Variants in FAM13A observed in about 807,000 individuals in gnomAD.
FAM13A encodes the protein protein FAM13A.
In FAM13A, 76 loss-of-function variants were observed where a neutral mutation model predicts 129.6. The observed-to-expected ratio is 0.59, with a 90% CI of 0.49 to 0.71. FAM13A has a LOEUF of 0.71. Among genes scored for constraint, FAM13A ranks in the 30% least tolerant of loss-of-function variants. The pLI is 0.00. For missense variants in FAM13A, 1,108 were observed against 1,249.3 expected, an observed-to-expected ratio of 0.89 and a Z score of 1.70; for synonymous variants, 443 against 449.9, an observed-to-expected ratio of 0.98 and a Z score of 0.20.
intron 2 of FAM13A, among the ~76,000 whole-genome samples, chr4:89,022,697 A>G (rs1041668149): frequency 2.0e-5 from 3 of 152,190 alleles, no homozygotes; most frequent in African/African-American, 4.8e-5. Context: ...ATGTCATGTC[A>G]TATTTTAAGA....
intron 4 of FAM13A, among the ~76,000 whole-genome samples, chr4:88,945,988 GTGTATATATATATATATA>G (rs1359449703): frequency 0.03 from 414 of 13,666 alleles, 7 homozygotes; most frequent in South Asian, 0.083. Context: ...GTGTGTGTGT[GTGTATATATATATATATA>G]TATATATATA....
At chr4:88,885,018 A>T (rs1192057028) in intron 6 of FAM13A, among the ~76,000 whole-genome samples, 1 of 152,232 alleles carries the variant, frequency 6.6e-6, no homozygotes, top group Non-Finnish European at 1.5e-5. Flanking sequence ...AAACAAATGG[A>T]AACACATCCT....
At chr4:88,988,443 C>A (rs1762536344) in intron 4 of FAM13A, among the ~76,000 whole-genome samples, 2 of 152,136 alleles carry the variant, frequency 1.3e-5, no homozygotes, top group African/African-American at 4.8e-5. Context: ...AGCAAAAATT[C>A]CTCATTTTTA....
intron 3 of FAM13A, among the ~76,000 whole-genome samples, chr4:89,003,197 G>A (rs1764497175): frequency 6.6e-6 from 1 of 151,752 alleles, no homozygotes. Context: ...AAATAAAAAG[G>A]GCCCCAAAGA....
At chr4:88,943,758 C>T (rs112311993) in intron 4 of FAM13A, among the ~76,000 whole-genome samples, 1 of 152,148 alleles carries the variant, frequency 6.6e-6, no homozygotes, top group African/African-American at 2.4e-5. Flanking sequence ...AAACTACTAA[C>T]TAAGCTCAAA....
intron 6 of FAM13A, chr4:88,905,610 T>C (rs1748014911): frequency 6.6e-6 from 1 of 152,166 alleles, no homozygotes; most frequent in Non-Finnish European, 1.5e-5. Flanking sequence ...TTTGTGTTCA[T>C]AAGTTCTTGT....
At chr4:88,986,645 A>G (rs572019020) in intron 4 of FAM13A, among the ~76,000 whole-genome samples, 1 of 152,308 alleles carries the variant, frequency 6.6e-6, no homozygotes, top group Admixed American at 6.5e-5. Flanking sequence ...CTTAAACATT[A>G]CTCAGTGGTT....
rs1282859756 is a variant in FAM13A at position 88,953,374 on chromosome 4, G to C, written c.606-15133C>G. Among the ~76,000 whole-genome samples the C allele has an allele frequency of 2.0e-5, 3 of 151,886 alleles. No individual in the cohort carries two copies. The South Asian group carries it at 6.2e-4, about 32-fold the overall frequency. ...GGAGGCTGAGGGAGGAGAATCACTTGAACCCAGAAGGCGGAGGTTGCAGTG... is the reference window on the plus strand; with the variant it reads ...GGAGGCTGAGGGAGGAGAATCACTTCAACCCAGAAGGCGGAGGTTGCAGTG... On this transcript the variant is annotated intron_variant, in intron 4 of 23. Coordinates refer to ENST00000264344, the MANE Select transcript of FAM13A (RefSeq NM_014883.4).
At chr4:88,740,947 C>A (rs981848261) in intron 19 of FAM13A, among the ~76,000 whole-genome samples, 10 of 152,156 alleles carry the variant, frequency 6.6e-5, no homozygotes, top group African/African-American at 2.4e-4. Flanking sequence ...AATTATTTTA[C>A]AGAAAAAGAC....
intron 6 of FAM13A, among the ~76,000 whole-genome samples, chr4:88,869,896 G>A (rs933673499): frequency 6.6e-6 from 1 of 152,130 alleles, no homozygotes; most frequent in East Asian, 1.9e-4. Flanking sequence ...GAACATGCAA[G>A]CAAAATCAAT....
chr4:88,965,939 T>G (rs1427045488), intron 4 of FAM13A, among the ~76,000 whole-genome samples: 1 of 152,100 alleles, frequency 6.6e-6, no homozygotes, highest in Non-Finnish European at 1.5e-5. Flanking sequence ...TATACTACAT[T>G]TGTTTACCCA....
chr4:88,811,269 TTAAA>T (rs1187984160), intron 7 of FAM13A, among the ~76,000 whole-genome samples: 3 of 152,096 alleles, frequency 2.0e-5, no homozygotes, highest in Non-Finnish European at 2.9e-5. Flanking sequence ...CAAATCTCTC[TTAAA>T]TAGTCTTTCC....
chr4:88,945,988 G>GTATATATATATATATATA (rs1553901158), intron 4 of FAM13A, among the ~76,000 whole-genome samples: 10 of 13,656 alleles, frequency 7.3e-4, no homozygotes, highest in South Asian at 6.0e-3. Context: ...GTGTGTGTGT[G>GTATATATATATATATATA]TGTATATATA....
chr4:89,038,902 T>C (rs553280751), intron 1 of FAM13A, among the ~76,000 whole-genome samples: 26 of 152,284 alleles, frequency 1.7e-4, no homozygotes, highest in Non-Finnish European at 2.8e-4. Context: ...ACAGATTATA[T>C]ACTCATTGCA....
chr4:88,963,985 A>AAAAG (rs1475259831), intron 4 of FAM13A, among the ~76,000 whole-genome samples: 2 of 152,182 alleles, frequency 1.3e-5, no homozygotes, highest in Non-Finnish European at 2.9e-5. Context: ...GCACTAAAGA[A>AAAAG]AAAGAAAAGT....
chr4:88,813,060 A>G (rs778366130), intron 7 of FAM13A, among the ~76,000 whole-genome samples: 1 of 152,130 alleles, frequency 6.6e-6, no homozygotes, highest in Non-Finnish European at 1.5e-5. Flanking sequence ...CAACTGCACA[A>G]TAAGAGGTGG....
At position 88,848,300 on chromosome 4, in the gene FAM13A, A is replaced by C. The variant is rs536314791; in HGVS notation, c.1007+2720T>G. On this transcript the variant is annotated intron_variant, in intron 7 of 23. Coordinates refer to ENST00000264344, the MANE Select transcript of FAM13A (RefSeq NM_014883.4). ...GTACAGCGCTCAAGCTGCGTTACACAAGATATGGCCAGCTGGTCTCTGGAT... is the reference window on the plus strand; with the variant it reads ...GTACAGCGCTCAAGCTGCGTTACACCAGATATGGCCAGCTGGTCTCTGGAT... Among the ~76,000 whole-genome samples the C allele has an allele frequency of 2.6e-5, 4 of 152,312 alleles. No homozygotes were observed. The East Asian group carries it at 7.7e-4, about 29-fold the overall frequency.
rs182585834 is a variant in FAM13A, at chr4:88,853,720, T to A, written c.844-2537A>T. On this transcript the variant is annotated intron_variant, in intron 6 of 23. Transcript: ENST00000264344. ...TACTGTTCCTGGGTGTGTCTGTGAG[T>A]CAGTGGACTCCATTTGAGTCAGTGG... Among the ~76,000 whole-genome samples the A allele has an allele frequency of 2.6e-4, 39 of 152,244 alleles. 1 individual carries two copies. The East Asian group carries it at 7.5e-3, about 29-fold the overall frequency.
At chr4:88,793,497 C>T (rs1056223629) in intron 8 of FAM13A, among the ~76,000 whole-genome samples, 1 of 151,904 alleles carries the variant, frequency 6.6e-6, no homozygotes, top group Non-Finnish European at 1.5e-5. Flanking sequence ...TCTATAATTT[C>T]AAGTTCTTTT....
Sources: gnomAD v4.1 joint callset for allele counts (sites outside exome capture counted in the v4.1 genomes callset) on GRCh38, gnomAD v4.1.1 for gene constraint, MANE v1.5 for transcripts, NCBI Gene and HGNC (gene_info 2026-07-23, HGNC 2026-07-21) for gene names.